The following LIG4 variants were observed in gnomAD, a reference collection of about 807,000 sequenced individuals.
The protein encoded by LIG4 is DNA ligase 4.
A neutral mutation model predicts 19.0 loss-of-function variants in LIG4; 13 were observed. That is an observed-to-expected ratio of 0.68 (90% CI 0.44 to 1.09). The LOEUF is 1.09. Among genes scored for constraint, LIG4 ranks in the 50% least tolerant of loss-of-function variants. LIG4 has a pLI of 0.00. For missense variants in LIG4, 1,026 were observed against 1,089.7 expected (o/e 0.94, Z 0.82); for synonymous variants, 361 against 358.2 (o/e 1.01, Z -0.09).
rs1878552018 is a variant in LIG4, at chr13:108,210,648, A to T, written c.621T>A (p.Phe207Leu). The change falls in exon 3 of 3, where the codon TTT (phenylalanine) becomes TTA (leucine). Residue 207 changes from phenylalanine (F) to leucine (L), a missense_variant. By Grantham distance (22) the Phe-to-Leu change is conservative. This residue lies in a region of LIG4 where 493 missense variants were observed against 544.5 expected (regional missense o/e 0.91). Transcript: ENST00000442234. ...TATGCAACTCAGCAGCATCATTATG[A>T]AAAACAGAAAAGATAGTTTGCTGAC... ...GVSQQTIFSVFHNDAAELHNV... is the reference protein window; with the variant it reads ...GVSQQTIFSVLHNDAAELHNV... The T allele has an allele frequency of 1.9e-6, 3 of 1,613,686 alleles. No individual in the cohort carries two copies. Among genetic ancestry groups the T allele is most frequent in the Admixed American group, 1.7e-5 (1 of 60,006 alleles).
At position 108,207,451 on chromosome 13, in the gene LIG4, T is replaced by G. The variant is rs1042460748; in HGVS notation, c.*1082A>C. On this transcript the variant is annotated 3_prime_UTR_variant, in exon 3 of 3. Transcript: ENST00000442234. ...AGAACATAAGAAATTATTTTAATAG[T>G]GCATTAAATATTTTATTTAAATTAA... 8 of 151,994 alleles carry G rather than the reference T, an allele frequency of 5.3e-5. No individual in the cohort carries two copies. Among genetic ancestry groups the G allele is most frequent in the Admixed American group, 4.6e-4 (7 of 15,266 alleles). 9.4% of individuals were successfully genotyped at this position (151,994 alleles called of 1,614,324 possible). A position where few individuals can be genotyped will look rare whatever the true frequency, so the allele number is the denominator to read the frequency against.
Position 108,209,603 on chromosome 13 carries a change from T to C in LIG4, c.1666A>G (p.Ile556Val). ...ATCTCTGCTGCTTTAATCTGAACAA[T>C]GACAGAATTACAAGGTTCAATGTAT... ...EVYIEPCNSV[I>V]VQIKAAEIVP... Residue 556 changes from isoleucine (I) to valine (V), a missense_variant, in exon 3 of 3, where the codon ATT (isoleucine) becomes GTT (valine). Ile to Val is a conservative substitution (Grantham distance 29, BLOSUM62 3). This residue lies in a region of LIG4 where 521 missense variants were observed against 515.5 expected (regional missense o/e 1.01). Transcript: ENST00000442234. 2 of 1,614,136 alleles carry C rather than the reference T, an allele frequency of 1.2e-6. No individual in the cohort carries two copies.
rs568065568 is a variant in LIG4 at position 108,212,179 on chromosome 13, T to TA, written c.-28-884dup. Among the ~76,000 whole-genome samples, 486 of 94,802 alleles carry TA rather than the reference T, an allele frequency of 5.1e-3. 1 individual carries two copies. The highest frequency in any genetic ancestry group is 0.03 in the East Asian group (110 of 3,630). The allele number at this position is 94,802 out of a possible 152,430, so 62.2% of individuals were successfully genotyped here. A position where few individuals can be genotyped will look rare whatever the true frequency, so the allele number is the denominator to read the frequency against. On this transcript the variant is annotated intron_variant, in intron 2 of 2. Transcript: ENST00000442234. ...CTGCTTTAAAAGAAAATATATTCTG[T>TA]AAAAAAAAAAAAAGAAAAAAAAGAA...
chr13:108,208,656 A>C lies in LIG4; in HGVS notation c.2613T>G (p.Arg871=). The change falls in exon 3 of 3, where the codon CGT becomes CGG. Residue 871 remains arginine, a synonymous_variant. Coordinates refer to ENST00000442234, the MANE Select transcript of LIG4 (RefSeq NM_206937.2). Reference sequence around the variant, plus strand: ...TTCTAAAAGCTTTAAAATCTGCAACACGACTATGATCTTCCCCAATTATTA... The same window carrying C: ...TTCTAAAAGCTTTAAAATCTGCAACCCGACTATGATCTTCCCCAATTATTA... ...SHVIIGEDHS[R]VADFKAFRRT... is the part of the protein sequence containing the mutation. 1 of 1,614,074 alleles carries C rather than the reference A, an allele frequency of 6.2e-7. No individual in the cohort carries two copies. The highest frequency in any genetic ancestry group is 2.2e-5 in the East Asian group (1 of 44,888).
In LIG4 at chr13:108,207,509, C is replaced by T. The variant is rs1878040364; in HGVS notation, c.*1024G>A. The T allele has an allele frequency of 6.6e-6, 1 of 152,022 alleles. No individual in the cohort carries two copies. The highest frequency in any genetic ancestry group is 1.5e-5 in the Non-Finnish European group (1 of 67,988). 9.4% of individuals were successfully genotyped at this position (152,022 alleles called of 1,614,324 possible). On this transcript the variant is annotated 3_prime_UTR_variant, in exon 3 of 3. Coordinates refer to ENST00000442234, the MANE Select transcript of LIG4 (RefSeq NM_206937.2). ...AACAAAATCACATACATTTGTTCCA[C>T]GGTTTGAATAAAATTTCCAATAACT...
In LIG4 at chr13:108,208,670, C is replaced by T. The variant is rs1267760580; in HGVS notation, c.2599G>A (p.Glu867Lys). The stretch of plus-strand genomic sequence containing the variant: ...AAATCTGCAACACGACTATGATCTT[C>T]CCCAATTATTACATGAGACACTCCC... ...AEGVSHVIIG[E>K]DHSRVADFKA... Residue 867 changes from glutamate (E) to lysine (K), a missense_variant, in exon 3 of 3, where the codon GAA becomes AAA. This residue lies in a region of LIG4 where 521 missense variants were observed against 515.5 expected (regional missense o/e 1.01). Coordinates refer to ENST00000442234, the MANE Select transcript of LIG4 (RefSeq NM_206937.2). 3 of 1,613,994 alleles carry T rather than the reference C, an allele frequency of 1.9e-6. No individual in the cohort carries two copies. The highest frequency in any genetic ancestry group is 1.1e-5 in the South Asian group (1 of 91,090).
rs1878073921 is a variant in LIG4 at position 108,207,769 on chromosome 13, A to G, written c.*764T>C. 1.3e-5 allele frequency: 2 copies of G among 152,224 alleles called. No homozygotes were observed. Among genetic ancestry groups the G allele is most frequent in the Admixed American group, 1.3e-4 (2 of 15,288 alleles). 9.4% of individuals were successfully genotyped at this position (152,224 alleles called of 1,614,324 possible). A position where few individuals can be genotyped will look rare whatever the true frequency, so the allele number is the denominator to read the frequency against. On this transcript the variant is annotated 3_prime_UTR_variant, in exon 3 of 3. Coordinates refer to ENST00000442234, the MANE Select transcript of LIG4 (RefSeq NM_206937.2). ...CTATTCAATAGATAAAATCTAGGAA[A>G]ATCTTTTTTGTGAATACTATTTATA...
chr13:108,209,495 C>G lies in LIG4; in HGVS notation c.1774G>C (p.Glu592Gln). The G allele has an allele frequency of 6.2e-7, 1 of 1,614,164 alleles. No individual in the cohort carries two copies. Among genetic ancestry groups the G allele is most frequent in the Non-Finnish European group, 8.5e-7 (1 of 1,180,024 alleles). ...EKIRDDKEWH[E>Q]CMTLDDLEQL... ...TCTAGGTCGTCCAGGGTCATGCACT[C>G]ATGCCACTCCTTGTCATCTCTTATC... Residue 592 changes from glutamate (E) to glutamine (Q), a missense_variant, in exon 3 of 3, where the codon GAG (glutamate) becomes CAG (glutamine). Physicochemically the swap from Glu to Gln is conservative, Grantham distance 29 (BLOSUM62 2). Around this residue, in one of 3 missense-constraint regions of LIG4, gnomAD observed 521 missense variants for 515.5 expected, o/e 1.01. Transcript: ENST00000442234.
In LIG4 at chr13:108,210,144, T is replaced by C. The variant is rs759682383; in HGVS notation, c.1125A>G (p.Lys375=). The C allele has an allele frequency of 6.2e-7, 1 of 1,613,850 alleles. No individual in the cohort carries two copies. Among genetic ancestry groups the C allele is most frequent in the Non-Finnish European group, 8.5e-7 (1 of 1,179,980 alleles). ...CVFDVLMVNN[K]KLGHETLRKR... Reference sequence around the variant, plus strand: ...TTCTCAGAGTCTCATGCCCTAGCTTTTTATTATTAACCATCAATACATCAA... The same window carrying C: ...TTCTCAGAGTCTCATGCCCTAGCTTCTTATTATTAACCATCAATACATCAA... The change falls in exon 3 of 3, where the codon AAA becomes AAG. Residue 375 remains lysine, a synonymous_variant. Coordinates refer to ENST00000442234, the MANE Select transcript of LIG4 (RefSeq NM_206937.2).
In LIG4 at chr13:108,210,958, T is replaced by C. The variant is rs1302853019; in HGVS notation, c.311A>G (p.Lys104Arg). 1 of 1,613,614 alleles carries C rather than the reference T, an allele frequency of 6.2e-7. No individual in the cohort carries two copies. Among genetic ancestry groups the C allele is most frequent in the Non-Finnish European group, 8.5e-7 (1 of 1,179,862 alleles). ...IELLNLPRDGKDALKLLNYRT... is the reference protein window; with the variant it reads ...IELLNLPRDGRDALKLLNYRT... ...GTAGTTTAAAAGTTTGAGGGCATCT[T>C]TTCCATCTCTAGGTAAATTAAGCAA... Residue 104 changes from lysine to arginine, a missense_variant, in exon 3 of 3, where the codon AAA (lysine) becomes AGA (arginine). By Grantham distance (26) the Lys-to-Arg change is conservative (BLOSUM62 2). Transcript: ENST00000442234.
Position 108,209,408 on chromosome 13 carries a change from C to G in LIG4, c.1861G>C (p.Asp621His), listed in dbSNP as rs1164957221. The change falls in exon 3 of 3, where the codon GAT (aspartate) becomes CAT (histidine). Residue 621 changes from aspartate (D) to histidine (H), a missense_variant. Asp to His is a moderately conservative substitution (Grantham distance 81). Around this residue, in one of 3 missense-constraint regions of LIG4, gnomAD observed 521 missense variants for 515.5 expected, o/e 1.01. Coordinates refer to ENST00000442234, the MANE Select transcript of LIG4 (RefSeq NM_206937.2). ...TTCCGCTTTTTTTCTTGTGGTTCATCATCACCACCTATATAAAGGTGTTTA... is the reference window on the plus strand; with the variant it reads ...TTCCGCTTTTTTTCTTGTGGTTCATGATCACCACCTATATAAAGGTGTTTA... ...ASKHLYIGGD[D>H]EPQEKKRKAA... 1.2e-6 allele frequency: 2 copies of G among 1,614,134 alleles called. No individual in the cohort carries two copies. Among genetic ancestry groups the G allele is most frequent in the Admixed American group, 3.3e-5 (2 of 60,018 alleles).
Position 108,211,161 on chromosome 13 carries a change from G to T in LIG4, c.108C>A (p.Ile36=), listed in dbSNP as rs780698348. The T allele has an allele frequency of 6.2e-7, 1 of 1,613,424 alleles. No homozygotes were observed. Among genetic ancestry groups the T allele is most frequent in the African/African-American group, 1.3e-5 (1 of 75,026 alleles). ...IQKSKGRAEK[I]RHFREFLDSW... The stretch of plus-strand genomic sequence containing the variant: ...AATCTAAAAATTCCCTGAAGTGTCT[G>T]ATTTTTTCTGCACGTCCTTTACTTT... The change falls in exon 3 of 3, where the codon ATC becomes ATA. Residue 36 remains isoleucine, a synonymous_variant. Coordinates refer to ENST00000442234, the MANE Select transcript of LIG4 (RefSeq NM_206937.2).
upstream of LIG4, among the ~76,000 whole-genome samples, chr13:108,216,086 T>C (rs1215111013): frequency 1.3e-5 from 2 of 152,158 alleles, no homozygotes; most frequent in Non-Finnish European, 2.9e-5. Context: ...AACCGTTGCA[T>C]GACCAGAAAT....
rs1805383 is a variant in LIG4 at position 108,211,276 on chromosome 13, G to T, written c.-8C>A. 5 of 1,603,788 alleles carry T rather than the reference G, an allele frequency of 3.1e-6. No homozygotes were observed. Among genetic ancestry groups the T allele is most frequent in the Non-Finnish European group, 4.3e-6 (5 of 1,172,748 alleles). ...AGTTTGTGAGGCAGCCATCAAAGCG[G>T]TGATGAATCTTCTCGTTTAACTAGT... On this transcript the variant is annotated 5_prime_UTR_variant, in exon 3 of 3. Coordinates refer to ENST00000442234, the MANE Select transcript of LIG4 (RefSeq NM_206937.2).
At chr13:108,213,535 CGTAA>C (rs1430417156) in intron 2 of LIG4, among the ~76,000 whole-genome samples, 2 of 152,160 alleles carry the variant, frequency 1.3e-5, no homozygotes, top group Non-Finnish European at 2.9e-5. Flanking sequence ...ATAAACTAGT[CGTAA>C]GTATTTTTGC....
At position 108,210,126 on chromosome 13, in the gene LIG4, A is replaced by T; in HGVS notation, c.1143T>A (p.Thr381=). The stretch of plus-strand genomic sequence containing the variant: ...TAAGAATCTCATACCTCTTTCTCAG[A>T]GTCTCATGCCCTAGCTTTTTATTAT... ...MVNNKKLGHE[T]LRKRYEILSS... Residue 381 remains threonine, a synonymous_variant, in exon 3 of 3, where the codon ACT becomes ACA. Coordinates refer to ENST00000442234, the MANE Select transcript of LIG4 (RefSeq NM_206937.2). The T allele has an allele frequency of 6.2e-7, 1 of 1,613,766 alleles. No individual in the cohort carries two copies. Among genetic ancestry groups the T allele is most frequent in the Non-Finnish European group, 8.5e-7 (1 of 1,179,970 alleles).
At chr13:108,216,418 G>A (rs1879293857), upstream of LIG4, among the ~76,000 whole-genome samples, 1 of 152,172 alleles carries the variant, frequency 6.6e-6, no homozygotes, top group Non-Finnish European at 1.5e-5. Flanking sequence ...AAACATATTA[G>A]AGCTGTTAAG....
chr13:108,214,168 AG>A (rs745328198), intron 2 of LIG4, among the ~76,000 whole-genome samples: 2 of 152,148 alleles, frequency 1.3e-5, no homozygotes, highest in East Asian at 1.9e-4. Context: ...AAAAAGAGAG[AG>A]GAAAAAAAGG....
At chr13:108,213,407 G>A (rs1046928292) in intron 2 of LIG4, among the ~76,000 whole-genome samples, 2 of 152,048 alleles carry the variant, frequency 1.3e-5, no homozygotes, top group African/African-American at 4.8e-5. Flanking sequence ...TTAAAGTTTC[G>A]CTCAACAAAT....
Sources: gnomAD v4.1 joint callset for allele counts (sites outside exome capture counted in the v4.1 genomes callset) on GRCh38, gnomAD v4.1.1 for gene constraint, gnomAD v4.1.1 regional missense constraint, MANE v1.5 for transcripts, NCBI Gene and HGNC (gene_info 2026-07-23, HGNC 2026-07-21) for gene names.